The following SEMA3D variants were observed in gnomAD, a reference collection of about 807,000 sequenced individuals.
SEMA3D encodes the protein semaphorin 3D.
Under a neutral mutation model 100.1 loss-of-function variants are expected in SEMA3D, and 84 were observed. That is an observed-to-expected ratio of 0.84 (90% CI 0.70 to 1.01). The LOEUF (loss-of-function observed/expected upper bound fraction) is 1.01. SEMA3D is among the 50% of genes least tolerant of loss of function. SEMA3D has a pLI of 0.00. For missense variants in SEMA3D, 875 were observed against 934.1 expected, an observed-to-expected ratio of 0.94 and a Z score of 0.82; for synonymous variants, 312 against 320.7, an observed-to-expected ratio of 0.97 and a Z score of 0.29.
chr7:85,140,398 G>A, intron 2 of SEMA3D: 1 of 982,800 alleles, frequency 1.0e-6, no homozygotes, highest in Non-Finnish European at 1.2e-6. Flanking sequence ...CTATTTTTGT[G>A]AATTACAGTT....
At chr7:85,094,085 C>G (rs188631766) in intron 4 of SEMA3D, among the ~76,000 whole-genome samples, 1 of 151,846 alleles carries the variant, frequency 6.6e-6, no homozygotes, top group African/African-American at 2.4e-5. Context: ...AGTAAATTAT[C>G]TATTTTATGA....
chr7:85,164,950 A>T (rs1321978206), intron 1 of SEMA3D, among the ~76,000 whole-genome samples: 1 of 151,982 alleles, frequency 6.6e-6, no homozygotes, highest in African/African-American at 2.4e-5. Context: ...AATATAGAAG[A>T]TGTCATTTAG....
chr7:85,049,449 G>T lies in SEMA3D; in HGVS notation c.861+6268C>A, dbSNP rs531443673. Among the ~76,000 whole-genome samples, 4 of 151,512 alleles carry T rather than the reference G, an allele frequency of 2.6e-5. No homozygotes were observed. In the South Asian group the frequency reaches 8.3e-4, roughly 31 times the overall value. On this transcript the variant is annotated intron_variant, in intron 9 of 18. Coordinates refer to ENST00000284136, the MANE Select transcript of SEMA3D (RefSeq NM_001384900.1). Reference sequence around the variant, plus strand: ...CAGTTTCTAAGATTTAGCACATTCAGTTAGGTAAATCTAGGAATGTTAAGC... The same window carrying T: ...CAGTTTCTAAGATTTAGCACATTCATTTAGGTAAATCTAGGAATGTTAAGC...
Position 85,015,173 on chromosome 7 carries a change from G to C in SEMA3D, c.1589C>G (p.Ser530Cys). The change falls in exon 16 of 19, where the codon TCC (serine) becomes TGC (cysteine). Residue 530 changes from serine to cysteine, a missense_variant. By Grantham distance (112) the Ser-to-Cys change is moderately radical. Transcript: ENST00000284136. Reference protein sequence around the residue: ...IGSRDGLVQLSLHRCDTYGKA... With the variant: ...IGSRDGLVQLCLHRCDTYGKA... ...CCCATAAGTGTCGCATCTGTGCAAG[G>C]AGAGCTGAACCAATCCATCTCGGGA... The C allele has an allele frequency of 6.2e-7, 1 of 1,611,778 alleles. No homozygotes were observed. Among genetic ancestry groups the C allele is most frequent in the Non-Finnish European group, 8.5e-7 (1 of 1,178,514 alleles).
chr7:85,156,733 A>AAAAGTAAT (rs1190052792), intron 1 of SEMA3D, among the ~76,000 whole-genome samples: 1 of 152,152 alleles, frequency 6.6e-6, no homozygotes, highest in Non-Finnish European at 1.5e-5. Flanking sequence ...ACACAGATTA[A>AAAAGTAAT]AAAGTAATCT....
In SEMA3D at chr7:85,097,871, C is replaced by T. The variant is rs74445757; in HGVS notation, c.246G>A (p.Leu82=). The stretch of plus-strand genomic sequence containing the variant: ...AGATGTGGTCTTTGGCTCCCAAGAG[C>T]AGCCTGCCTCTTTCCTCATCTAAGA... ...TLLLDEERGR[L]LLGAKDHIFL... Residue 82 remains leucine (L), a synonymous_variant, in exon 4 of 19, where the codon CTG becomes CTA. Coordinates refer to ENST00000284136, the MANE Select transcript of SEMA3D (RefSeq NM_001384900.1). The T allele has an allele frequency of 1.2e-3, 2,000 of 1,608,750 alleles. 14 individuals are homozygous for T. The African/African-American group carries it at 0.024, about 19-fold the overall frequency.
rs3815223 is a variant in SEMA3D, at chr7:85,102,342, T to A, written c.152-4377A>T. Among the ~76,000 whole-genome samples, 60 of 152,046 alleles carry A rather than the reference T, an allele frequency of 3.9e-4. No homozygotes were observed. The East Asian group carries it at 9.9e-3, about 25-fold the overall frequency. ...TTCTACTATGTCTCCTACTCTGGAGTGTGACCTGTGTCAGGGCAAAGACCA... is the reference window on the plus strand; with the variant it reads ...TTCTACTATGTCTCCTACTCTGGAGAGTGACCTGTGTCAGGGCAAAGACCA... On this transcript the variant is annotated intron_variant, in intron 3 of 18. Coordinates refer to ENST00000284136, the MANE Select transcript of SEMA3D (RefSeq NM_001384900.1).
At chr7:85,013,556 C>T (rs1005103948) in intron 16 of SEMA3D, among the ~76,000 whole-genome samples, 6 of 151,698 alleles carry the variant, frequency 4.0e-5, no homozygotes, top group Non-Finnish European at 8.8e-5. Flanking sequence ...TACACTCTTA[C>T]AGCATACTTT....
At chr7:85,115,566 A>C in intron 3 of SEMA3D, among the ~76,000 whole-genome samples, 1 of 151,932 alleles carries the variant, frequency 6.6e-6, no homozygotes, top group East Asian at 1.9e-4. Flanking sequence ...AACTTTCCAT[A>C]TCTTTTTTTA....
intron 2 of SEMA3D, among the ~76,000 whole-genome samples, chr7:85,131,283 C>A (rs1465151428): frequency 6.6e-6 from 1 of 151,852 alleles, no homozygotes; most frequent in African/African-American, 2.4e-5. Context: ...TCTTTGAGAT[C>A]ATAAACACAA....
the SEMA3D span, among the ~76,000 whole-genome samples, chr7:85,211,388 C>T: frequency 6.6e-6 from 1 of 151,998 alleles, no homozygotes; most frequent in Non-Finnish European, 1.5e-5. Flanking sequence ...AGGACTCAGG[C>T]AGCCCACACT....
intron 6 of SEMA3D, among the ~76,000 whole-genome samples, chr7:85,071,992 A>G (rs989629398): frequency 2.6e-5 from 4 of 152,200 alleles, no homozygotes; most frequent in African/African-American, 4.8e-5. Context: ...TTGCAAGACC[A>G]TTTATTAGTT....
At chr7:85,220,330 C>CTTTTTTT in the SEMA3D span, among the ~76,000 whole-genome samples, 2 of 134,910 alleles carry the variant, frequency 1.5e-5, no homozygotes, top group Admixed American at 7.5e-5. Context: ...TTTCAGGTTC[C>CTTTTTTT]TTTTTTTTTT....
At chr7:85,014,990 C>A in intron 16 of SEMA3D, 69 bp downstream of exon 16, 1 of 1,180,608 alleles carries the variant, frequency 8.5e-7, no homozygotes, top group South Asian at 1.5e-5. Flanking sequence ...AACTATAAGA[C>A]AAAGCATTAA....
the SEMA3D span, among the ~76,000 whole-genome samples, chr7:85,212,801 AG>A: frequency 4.6e-5 from 7 of 151,958 alleles, no homozygotes; most frequent in African/African-American, 1.7e-4. Flanking sequence ...CTTTATTTTT[AG>A]GTATTTTATT....
At chr7:85,145,184 C>A (rs1790167164) in intron 2 of SEMA3D, among the ~76,000 whole-genome samples, 1 of 150,930 alleles carries the variant, frequency 6.6e-6, no homozygotes. Context: ...TATTTTATGC[C>A]AGTCTGGCAT....
At chr7:85,125,814 CAT>C (rs1789552060) in intron 2 of SEMA3D, among the ~76,000 whole-genome samples, 1 of 150,170 alleles carries the variant, frequency 6.7e-6, no homozygotes, top group East Asian at 2.0e-4. Flanking sequence ...GTTGTGTGCA[CAT>C]GTGTGTGTGT....
intron 13 of SEMA3D, among the ~76,000 whole-genome samples, chr7:85,021,385 CTAAT>C (rs1790250567): frequency 6.6e-6 from 1 of 151,684 alleles, no homozygotes; most frequent in Non-Finnish European, 1.5e-5. Context: ...TTAATAGCAA[CTAAT>C]TAATTCTACT....
chr7:85,022,406 T>C lies in SEMA3D; in HGVS notation c.1399A>G (p.Met467Val). The change falls in exon 13 of 19, where the codon ATG (methionine) becomes GTG (valine). Residue 467 changes from methionine (M) to valine (V), a missense_variant. By Grantham distance (21) the Met-to-Val change is conservative (BLOSUM62 1). Transcript: ENST00000284136. ...VIAEDGQYDV[M>V]FLGTDIGTVL... ...TTTAGCTTACCTGTTCCAAGAAACA[T>C]TACATCGTACTGGCCATCTTCTGCA... The C allele has an allele frequency of 6.2e-7, 1 of 1,611,138 alleles. No individual in the cohort carries two copies. Among genetic ancestry groups the C allele is most frequent in the Non-Finnish European group, 8.5e-7 (1 of 1,177,774 alleles).
Sources: gnomAD v4.1 joint callset for allele counts (sites outside exome capture counted in the v4.1 genomes callset) on GRCh38, gnomAD v4.1.1 for gene constraint, MANE v1.5 for transcripts, NCBI Gene and HGNC (gene_info 2026-07-23, HGNC 2026-07-21) for gene names.